RXFP1: variants seen among roughly 807,000 people sequenced by gnomAD.
RXFP1 encodes relaxin receptor 1.
Under a neutral mutation model 89.8 loss-of-function variants are expected in RXFP1, and 73 were observed. The observed-to-expected ratio is 0.81, with a 90% confidence interval of 0.67 to 0.99. The LOEUF (loss-of-function observed/expected upper bound fraction) is 0.99. Among genes scored for constraint, RXFP1 ranks in the 50% least tolerant of loss-of-function variants. The pLI is 0.00. For missense variants in RXFP1, 793 were observed against 895.5 expected (o/e 0.89, Z 1.46); for synonymous variants, 277 against 305.5 (o/e 0.91, Z 0.97).
chr4:158,629,239 TG>T (rs1767554723), intron 11 of RXFP1, among the ~76,000 whole-genome samples: 1 of 151,858 alleles, frequency 6.6e-6, no homozygotes. Context: ...GTAGTAAAGA[TG>T]GGGTTTCACC....
At chr4:158,594,549 G>T (rs1385112238) in intron 3 of RXFP1, among the ~76,000 whole-genome samples, 1 of 150,942 alleles carries the variant, frequency 6.6e-6, no homozygotes, top group Admixed American at 6.6e-5. Flanking sequence ...ATAGTGCTTT[G>T]CACATAGTGA....
intron 1 of RXFP1, among the ~76,000 whole-genome samples, chr4:158,541,856 A>T (rs1419425132): frequency 6.6e-6 from 1 of 151,856 alleles, no homozygotes; most frequent in African/African-American, 2.4e-5. Context: ...CTATATTTAT[A>T]TTTCAGCAAT....
chr4:158,535,003 A>G (rs1197623651), intron 1 of RXFP1, among the ~76,000 whole-genome samples: 4 of 149,502 alleles, frequency 2.7e-5, no homozygotes, highest in African/African-American at 9.7e-5. Flanking sequence ...ATAATATTTT[A>G]TCATTTATTA....
chr4:158,542,109 A>ATATATATTTTTTT lies in RXFP1; in HGVS notation c.49+20085_49+20086insATATATTTTTTTT. 1.3e-3 allele frequency among the ~76,000 whole-genome samples: 47 copies of ATATATATTTTTTT among 35,238 alleles called. 1 individual carries two copies. Among genetic ancestry groups the ATATATATTTTTTT allele is most frequent in the South Asian group, 1.6e-3 (2 of 1,230 alleles). The allele number at this position is 35,238 out of a possible 152,430, so 23.1% of individuals were successfully genotyped here. A position where few individuals can be genotyped will look rare whatever the true frequency, so the allele number is the denominator to read the frequency against. On this transcript the variant is annotated intron_variant, in intron 1 of 17. Coordinates refer to ENST00000307765, the MANE Select transcript of RXFP1 (RefSeq NM_021634.4). ...TATATATATATATATATATATATAT[A>ATATATATTTTTTT]TTTTTTTTTTAGTAGAGACAGGGTT...
chr4:158,625,064 T>C (rs1766433885), intron 9 of RXFP1, among the ~76,000 whole-genome samples: 1 of 139,748 alleles, frequency 7.2e-6, no homozygotes, highest in Non-Finnish European at 1.5e-5. Context: ...TAAGCGCATT[T>C]TGTGAGACTT....
chr4:158,613,928 G>T (rs953129920), intron 8 of RXFP1, among the ~76,000 whole-genome samples: 12 of 152,170 alleles, frequency 7.9e-5, no homozygotes, highest in Admixed American at 6.5e-4. Context: ...GTTAAAATTA[G>T]CTTTTGATCC....
chr4:158,633,326 A>C, intron 11 of RXFP1, 79 bp from the exon 12 acceptor site: 2 of 917,646 alleles, frequency 2.2e-6, no homozygotes, highest in Admixed American at 1.9e-5. Context: ...AAAGTTGTAT[A>C]GTGGTTTCCT....
intron 1 of RXFP1, among the ~76,000 whole-genome samples, chr4:158,567,933 C>T (rs553398954): frequency 2.5e-4 from 38 of 152,286 alleles, no homozygotes; most frequent in African/African-American, 7.2e-4. Context: ...TTGCTCGTTG[C>T]AATAAATCTT....
chr4:158,600,968 G>A (rs957796624), intron 4 of RXFP1, among the ~76,000 whole-genome samples: 2 of 151,858 alleles, frequency 1.3e-5, no homozygotes, highest in African/African-American at 4.8e-5. Context: ...ATTTTCCCAC[G>A]AGTAAGATTT....
chr4:158,645,136 G>A lies in RXFP1; in HGVS notation c.1343G>A (p.Cys448Tyr), dbSNP rs780274061. The A allele has an allele frequency of 1.2e-6, 2 of 1,604,910 alleles. No homozygotes were observed. The highest frequency in any genetic ancestry group is 1.7e-6 in the Non-Finnish European group (2 of 1,171,746). Residue 448 changes from cysteine (C) to tyrosine (Y), a missense_variant and splice_region_variant, in exon 15 of 18, where the codon TGC becomes TAC. By Grantham distance (194) the Cys-to-Tyr change is radical (BLOSUM62 -2). Coordinates refer to ENST00000307765, the MANE Select transcript of RXFP1 (RefSeq NM_021634.4). Reference protein sequence around the residue: ...KLYAMSIISLCCADCLMGIYL... With the variant: ...KLYAMSIISLYCADCLMGIYL... ...TATGCCATGTCAATCATTTCTCTCT[G>A]CTGTGAGTATTTCCTGGTTAAAGGA...
At chr4:158,580,669 C>A (rs1210973476) in intron 2 of RXFP1, among the ~76,000 whole-genome samples, 1 of 152,188 alleles carries the variant, frequency 6.6e-6, no homozygotes, top group African/African-American at 2.4e-5. Flanking sequence ...AAATGCTTTG[C>A]CTTCCCTCCC....
chr4:158,625,019 G>A (rs919208123), intron 9 of RXFP1, among the ~76,000 whole-genome samples: 7 of 152,016 alleles, frequency 4.6e-5, no homozygotes, highest in Non-Finnish European at 8.8e-5. Flanking sequence ...AAACAGTTAC[G>A]TAAGTAACTA....
In RXFP1 at chr4:158,522,042, T is replaced by A. The variant is rs200346642; in HGVS notation, c.49+17T>A. Reference sequence around the variant, plus strand: ...GAAAATATTGTAAGTATGCTCAGTATCTAATTTTGTATACCTTAGTATTTT... The same window carrying A: ...GAAAATATTGTAAGTATGCTCAGTAACTAATTTTGTATACCTTAGTATTTT... On this transcript the variant is annotated intron_variant, in intron 1 of 17. Coordinates refer to ENST00000307765, the MANE Select transcript of RXFP1 (RefSeq NM_021634.4). 1.5e-5 allele frequency: 22 copies of A among 1,468,390 alleles called. No individual in the cohort carries two copies. In the Middle Eastern group the frequency reaches 5.2e-4, roughly 35 times the overall value. 91.0% of individuals were successfully genotyped at this position (1,468,390 alleles called of 1,614,324 possible).
intron 15 of RXFP1, chr4:158,646,321 T>C (rs1267706613): frequency 2.1e-6 from 1 of 469,830 alleles, no homozygotes; most frequent in South Asian, 1.5e-5. Context: ...ATTCAGTCAT[T>C]ATTCTATCAT....
intron 1 of RXFP1, among the ~76,000 whole-genome samples, chr4:158,534,245 ATTT>A (rs70962614): frequency 0.71 from 97,767 of 137,626 alleles, 37,118 homozygotes; most frequent in East Asian, 0.94. Flanking sequence ...TGATATTCTG[ATTT>A]TTTTTTTTTT....
chr4:158,590,580 T>C (rs1759244354), intron 2 of RXFP1, among the ~76,000 whole-genome samples: 1 of 152,240 alleles, frequency 6.6e-6, no homozygotes, highest in South Asian at 2.1e-4. Flanking sequence ...AGTCTAGCCT[T>C]CTAACAGACA....
At chr4:158,542,109 A>ACATATTTT (rs1553994111) in intron 1 of RXFP1, among the ~76,000 whole-genome samples, 2 of 35,254 alleles carry the variant, frequency 5.7e-5, no homozygotes, top group African/African-American at 1.9e-4. Flanking sequence ...ATATATATAT[A>ACATATTTT]TTTTTTTTTT....
rs765866276 is a variant in RXFP1, at chr4:158,648,613, T to C, written c.1871T>C (p.Met624Thr). 49 of 1,613,170 alleles carry C rather than the reference T, an allele frequency of 3.0e-5. No homozygotes were observed. Among genetic ancestry groups the C allele is most frequent in the Admixed American group, 6.7e-5 (4 of 59,984 alleles). ...ATACGGAATCAAGTTAAAAAAGAGATGATCCTTGCCAAACGTTTTTTCTTT... is the reference window on the plus strand; with the variant it reads ...ATACGGAATCAAGTTAAAAAAGAGACGATCCTTGCCAAACGTTTTTTCTTT... ...TEIRNQVKKE[M>T]ILAKRFFFIV... Residue 624 changes from methionine (M) to threonine (T), a missense_variant, in exon 17 of 18, where the codon ATG becomes ACG. By Grantham distance (81) the Met-to-Thr change is moderately conservative. Transcript: ENST00000307765.
At chr4:158,546,290 A>G (rs1748378364) in intron 1 of RXFP1, among the ~76,000 whole-genome samples, 1 of 152,202 alleles carries the variant, frequency 6.6e-6, no homozygotes, top group South Asian at 2.1e-4. Context: ...GGATTTTCAT[A>G]CATTGATTTT....
Sources: allele counts gnomAD v4.1 joint callset (sites outside exome capture counted in the v4.1 genomes callset), GRCh38; gene constraint gnomAD v4.1.1; transcripts MANE v1.5; gene names NCBI Gene and HGNC (gene_info 2026-07-23, HGNC 2026-07-21).